CD163: variants seen among roughly 807,000 people sequenced by gnomAD.
The protein encoded by CD163 is CD163 molecule.
A neutral mutation model predicts 129.2 loss-of-function variants in CD163; 64 were observed. The ratio of observed to expected loss-of-function variants is 0.50; its 90% confidence interval spans 0.41 to 0.61. CD163 has a LOEUF of 0.61. Ranked by LOEUF, CD163 falls within the 20% of genes least tolerant of loss-of-function variation. The probability of loss-of-function intolerance (pLI) is 0.00; values close to 1 mark genes in which losing one functional copy is unlikely to be tolerated. For missense variants in CD163, 1,061 were observed against 1,377.9 expected, an observed-to-expected ratio of 0.77 and a Z score of 3.64; for synonymous variants, 446 against 478.5, an observed-to-expected ratio of 0.93 and a Z score of 0.89.
rs1949523914 is a variant in CD163, at chr12:7,503,670, C to A, written c.21G>T (p.Val7=). The A allele has an allele frequency of 1.9e-6, 3 of 1,603,542 alleles. No individual in the cohort carries two copies. The highest frequency in any genetic ancestry group is 2.6e-6 in the Non-Finnish European group (3 of 1,172,794). The change falls in exon 1 of 17, where the codon GTG becomes GTT. Residue 7 remains valine (V), a synonymous_variant. Coordinates refer to ENST00000432237, the MANE Select transcript of CD163 (RefSeq NM_203416.4). The part of the protein sequence containing the change: MSKLRM[V]LLEDSGSADF... ...CAGCAGATCCAGAGTCTTCAAGTAG[C>A]ACCATTCTGAGTTTGCTCATTCCAA...
At chr12:7,501,730 T>C (rs1261827101) in intron 2 of CD163, among the ~76,000 whole-genome samples, 1 of 152,188 alleles carries the variant, frequency 6.6e-6, no homozygotes, top group Non-Finnish European at 1.5e-5. Flanking sequence ...ATAGCCTTAA[T>C]AGTGGCAATT....
chr12:7,475,321 A>G (rs1325851568), intron 16 of CD163, among the ~76,000 whole-genome samples: 1 of 152,186 alleles, frequency 6.6e-6, no homozygotes, highest in Admixed American at 6.6e-5. Flanking sequence ...CCTGATGAAC[A>G]TTGATGCGAA....
At chr12:7,473,184 A>T (rs1949031242) in intron 16 of CD163, 1 of 152,250 alleles carries the variant, frequency 6.6e-6, no homozygotes, top group South Asian at 2.1e-4. Flanking sequence ...TCCACAACCT[A>T]GCAAGACAAG....
chr12:7,486,475 C>T lies in CD163; in HGVS notation c.2458+24G>A. On this transcript the variant is annotated intron_variant, in intron 10 of 16. Transcript: ENST00000432237. ...CAGTCCTTTCTCTATGTAATTATGA[C>T]CAAAGGTCATATGCATAATTTACCT... The T allele has an allele frequency of 1.9e-6, 3 of 1,597,996 alleles. No homozygotes were observed. In the South Asian group the frequency reaches 3.4e-5, roughly 18 times the overall value.
In CD163 at chr12:7,483,528, A is replaced by G; in HGVS notation, c.2927T>C (p.Leu976Ser). 6.2e-7 allele frequency: 1 copy of G among 1,613,950 alleles called. No homozygotes were observed. ...AAACTCTGCTTCTTTGAATGCTTTC[A>G]AAGCTGGACCACAGCCAAGTTGTTG... Reference protein sequence around the residue: ...VCQQLGCGPALKAFKEAEFGQ... With the variant: ...VCQQLGCGPASKAFKEAEFGQ... The change falls in exon 12 of 17, where the codon TTG becomes TCG. Residue 976 changes from leucine (L) to serine (S), a missense_variant. Transcript: ENST00000432237.
intron 14 of CD163, 127 bp from the exon 15 acceptor site, chr12:7,481,383 C>T (rs1949160225): frequency 9.0e-6 from 6 of 670,138 alleles, no homozygotes; most frequent in African/African-American, 1.8e-5. Flanking sequence ...CTATCCCATT[C>T]TACTACCAAG....
chr12:7,472,048 GCC>G, intron 16 of CD163: 1 of 152,364 alleles, frequency 6.6e-6, no homozygotes, highest in Non-Finnish European at 1.5e-5. Context: ...AAAGGCAGCA[GCC>G]CCCCTCAGGG....
chr12:7,477,732 A>T (rs1196377362), intron 16 of CD163, among the ~76,000 whole-genome samples: 3 of 152,186 alleles, frequency 2.0e-5, no homozygotes, highest in Non-Finnish European at 4.4e-5. Context: ...CATTCAACAC[A>T]TGTATCCCAG....
rs746721451 is a variant in CD163 at position 7,483,635 on chromosome 12, T to C, written c.2820A>G (p.Gly940=). The C allele has an allele frequency of 6.2e-7, 1 of 1,613,366 alleles. No homozygotes were observed. Among genetic ancestry groups the C allele is most frequent in the Non-Finnish European group, 8.5e-7 (1 of 1,179,810 alleles). Residue 940 remains glycine (G), a synonymous_variant, in exon 12 of 17, where the codon GGA becomes GGG. Transcript: ENST00000432237. ...RLQEGPTSCS[G]RVEIWHGGSW... ...AACCTCCATGCCAGATCTCCACACG[T>C]CCAGAACAGGAAGTGGGTCCTTCCT...
chr12:7,502,591 T>A, intron 1 of CD163, 27 bp from the exon 2 acceptor site: 1 of 1,187,660 alleles, frequency 8.4e-7, no homozygotes, highest in Non-Finnish European at 1.2e-6. Flanking sequence ...AGGGCAAAAG[T>A]AGCATCTTCC....
At position 7,482,972 on chromosome 12, in the gene CD163, T is replaced by G. The variant is rs748163507; in HGVS notation, c.3121A>C (p.Thr1041Pro). The change falls in exon 13 of 17, where the codon ACA (threonine) becomes CCA (proline). Residue 1041 changes from threonine to proline, a missense_variant. Physicochemically the swap from Thr to Pro is conservative, Grantham distance 38. Coordinates refer to ENST00000432237, the MANE Select transcript of CD163 (RefSeq NM_203416.4). ...ISVQKTPQKA[T>P]TGRSSRQSSF... ...CATAAACTCCATGATATACCTGTTG[T>G]GGCTTTTTGTGGGGTTTTCTGCACT... is the stretch of plus-strand genomic sequence containing the variant. 3 of 1,613,870 alleles carry G rather than the reference T, an allele frequency of 1.9e-6. No homozygotes were observed. Among genetic ancestry groups the G allele is most frequent in the Non-Finnish European group, 2.5e-6 (3 of 1,179,856 alleles).
chr12:7,492,145 G>A (rs1468723969), intron 6 of CD163, among the ~76,000 whole-genome samples: 1 of 151,932 alleles, frequency 6.6e-6, no homozygotes, highest in East Asian at 1.9e-4. Flanking sequence ...CATGTAAAAA[G>A]CTAAAAACCA....
At chr12:7,501,037 G>A in intron 3 of CD163, 102 bp downstream of exon 3, 1 of 931,194 alleles carries the variant, frequency 1.1e-6, no homozygotes, top group Non-Finnish European at 1.7e-6. Context: ...ACATGAACTA[G>A]ATTGCTTACA....
In CD163 at chr12:7,495,279, C is replaced by A; in HGVS notation, c.1222G>T (p.Asp408Tyr). ...CATCCCAGCTGCCTGCAAACCACAT[C>A]AGCTTCTTTCAGTCCCCAGCCTCTG... ...CDRGWGLKEA[D>Y]VVCRQLGCGS... is the part of the protein sequence containing the mutation. Residue 408 changes from aspartate (D) to tyrosine (Y), a missense_variant, in exon 6 of 17, where the codon GAT becomes TAT. Physicochemically the swap from Asp to Tyr is radical, Grantham distance 160. Coordinates refer to ENST00000432237, the MANE Select transcript of CD163 (RefSeq NM_203416.4). The A allele has an allele frequency of 6.2e-7, 1 of 1,614,096 alleles. No individual in the cohort carries two copies. The highest frequency in any genetic ancestry group is 8.5e-7 in the Non-Finnish European group (1 of 1,179,978).
At position 7,496,689 on chromosome 12, in the gene CD163, CA is replaced by C; in HGVS notation, c.1099+123del. 2 of 757,040 alleles carry C rather than the reference CA, an allele frequency of 2.6e-6. No homozygotes were observed. The highest frequency in any genetic ancestry group is 3.2e-5 in the South Asian group (2 of 62,084). 46.9% of individuals were successfully genotyped at this position (757,040 alleles called of 1,614,324 possible). On this transcript the variant is annotated intron_variant, in intron 5 of 16. Transcript: ENST00000432237. The surrounding 1 kb of genome is among the most constrained non-coding windows in gnomAD (Gnocchi z 4.8). ...ATTACAGGTATAAAGGAATTCCCAG[CA>C]AGGAATTTACTAGGCATTTCTACTT...
chr12:7,503,281 T>TA (rs2136751245), intron 1 of CD163, among the ~76,000 whole-genome samples: 2 of 152,348 alleles, frequency 1.3e-5, no homozygotes, highest in East Asian at 3.9e-4. Flanking sequence ...AGTCTTAAAA[T>TA]AGATAACTCA....
Position 7,496,812 on chromosome 12 carries a change from C to A in CD163, c.1099+1G>T. ...TTGGTTTTGGTTTGGTTTTAACTTACCAGAACATGTCACGCCAGCATCTTC... is the reference window on the plus strand; with the variant it reads ...TTGGTTTTGGTTTGGTTTTAACTTAACAGAACATGTCACGCCAGCATCTTC... On this transcript the variant is annotated splice_donor_variant, in intron 5 of 16. Coordinates refer to ENST00000432237, the MANE Select transcript of CD163 (RefSeq NM_203416.4). LOFTEE classifies it high-confidence loss of function. The surrounding 1 kb of genome is among the most constrained non-coding windows in gnomAD (Gnocchi z 4.8). 1 of 1,613,776 alleles carries A rather than the reference C, an allele frequency of 6.2e-7. No homozygotes were observed. The highest frequency in any genetic ancestry group is 8.5e-7 in the Non-Finnish European group (1 of 1,179,784).
At chr12:7,494,438 C>T (rs147454030) in intron 6 of CD163, among the ~76,000 whole-genome samples, 137 of 152,224 alleles carry the variant, frequency 9.0e-4, no homozygotes, top group African/African-American at 3.1e-3. Context: ...ACATGCAGCA[C>T]GTACAAGTTT....
intron 16 of CD163, chr12:7,473,266 A>G (rs1372386737): frequency 6.6e-6 from 1 of 152,228 alleles, no homozygotes. Context: ...CCGAAGACAC[A>G]TAATCATCCG....
Sources: gnomAD v4.1 joint callset for allele counts (sites outside exome capture counted in the v4.1 genomes callset) on GRCh38, gnomAD v4.1.1 for gene constraint, Gnocchi (gnomAD v3.1) non-coding constraint, MANE v1.5 for transcripts, NCBI Gene and HGNC (gene_info 2026-07-23, HGNC 2026-07-21) for gene names.